HUNK: variants seen among roughly 807,000 people sequenced by gnomAD.
HUNK encodes hormonally up-regulated Neu-associated kinase, also known as hormonally up-regulated neu tumor-associated kinase.
HUNK carries 21 observed loss-of-function variants against 61.0 expected under a neutral mutation model. That is an observed-to-expected ratio of 0.34 (90% CI 0.24 to 0.50). The LOEUF (loss-of-function observed/expected upper bound fraction) is 0.50, where lower values mean the gene tolerates loss of function less well. HUNK is among the 20% of genes least tolerant of loss of function. The probability of loss-of-function intolerance (pLI) is 0.98; values close to 1 mark genes in which losing one functional copy is unlikely to be tolerated. For synonymous variants in HUNK, 371 were observed against 386.1 expected (o/e 0.96, Z 0.46); for missense variants, 772 against 945.7 (o/e 0.82, Z 2.41).
intron 1 of HUNK, among the ~76,000 whole-genome samples, chr21:31,918,972 G>A (rs1157377194): frequency 2.0e-5 from 3 of 149,828 alleles, no homozygotes; most frequent in Non-Finnish European, 3.0e-5. Flanking sequence ...GCTGGACTGA[G>A]CGGTATGAGG....
intron 4 of HUNK, among the ~76,000 whole-genome samples, chr21:31,958,363 A>G (rs1166613828): frequency 1.3e-5 from 2 of 151,360 alleles, no homozygotes; most frequent in Non-Finnish European, 2.9e-5. Context: ...CAATGGCGTG[A>G]TCTTGGCTCA....
rs1455747715 is a variant in HUNK at position 31,936,007 on chromosome 21, G to A, written c.555-4158G>A. Among the ~76,000 whole-genome samples the A allele has an allele frequency of 4.6e-5, 7 of 152,130 alleles. No individual in the cohort carries two copies. In the East Asian group the frequency reaches 1.4e-3, roughly 29 times the overall value. Reference sequence around the variant, plus strand: ...AGACGGGGTTTCACCATTTTGGCCTGGCTGGTCTTGAACTCCTGACTTCAG... The same window carrying A: ...AGACGGGGTTTCACCATTTTGGCCTAGCTGGTCTTGAACTCCTGACTTCAG... On this transcript the variant is annotated intron_variant, in intron 2 of 10. Coordinates refer to ENST00000270112, the MANE Select transcript of HUNK (RefSeq NM_014586.2).
chr21:31,938,960 T>C (rs1333304503), intron 2 of HUNK, among the ~76,000 whole-genome samples: 2 of 152,202 alleles, frequency 1.3e-5, no homozygotes, highest in African/African-American at 4.8e-5. Flanking sequence ...TCTGGATTCA[T>C]TGGTATTTAC....
chr21:31,916,341 C>T (rs1037222700), intron 1 of HUNK, among the ~76,000 whole-genome samples: 3 of 151,954 alleles, frequency 2.0e-5, no homozygotes, highest in Non-Finnish European at 2.9e-5. Context: ...TGAGCCATTG[C>T]GCCCGGCCCT....
intron 3 of HUNK, among the ~76,000 whole-genome samples, chr21:31,941,285 G>C (rs1291692129): frequency 6.6e-6 from 1 of 151,610 alleles, no homozygotes; most frequent in African/African-American, 2.4e-5. Context: ...TAATTCAAAG[G>C]ATTTTCTTTT....
chr21:31,976,535 C>T (rs1423953155), intron 7 of HUNK, among the ~76,000 whole-genome samples: 1 of 135,174 alleles, frequency 7.4e-6, no homozygotes, highest in African/African-American at 2.8e-5. Context: ...GGGACGATCT[C>T]GGCTCACTGC....
chr21:31,890,497 T>G (rs1265895604), intron 1 of HUNK, among the ~76,000 whole-genome samples: 1 of 152,250 alleles, frequency 6.6e-6, no homozygotes, highest in African/African-American at 2.4e-5. Flanking sequence ...CCCAAAGTGC[T>G]GGGATTACAG....
At chr21:31,925,406 G>A (rs983528412) in intron 2 of HUNK, among the ~76,000 whole-genome samples, 5 of 152,230 alleles carry the variant, frequency 3.3e-5, no homozygotes, top group African/African-American at 7.2e-5. Context: ...TATCAGGTAA[G>A]TGTTAGCTGC....
intron 1 of HUNK, among the ~76,000 whole-genome samples, chr21:31,910,260 C>T (rs1195469588): frequency 6.6e-6 from 1 of 152,030 alleles, no homozygotes; most frequent in Admixed American, 6.6e-5. Flanking sequence ...TTTGGTTTCT[C>T]CTGAGGCCTC....
At chr21:31,892,000 G>A (rs939617527) in intron 1 of HUNK, among the ~76,000 whole-genome samples, 6 of 151,966 alleles carry the variant, frequency 3.9e-5, no homozygotes, top group African/African-American at 1.5e-4. Context: ...CACAGGCTGT[G>A]GGGGCTGACA....
chr21:31,921,768 GTTTAA>G (rs1249530398), intron 1 of HUNK, among the ~76,000 whole-genome samples: 2 of 152,156 alleles, frequency 1.3e-5, no homozygotes, highest in Non-Finnish European at 2.9e-5. Flanking sequence ...TCACTATTTT[GTTTAA>G]TTTAAAGTTT....
At chr21:31,971,645 G>A (rs922697557) in intron 6 of HUNK, among the ~76,000 whole-genome samples, 8 of 152,022 alleles carry the variant, frequency 5.3e-5, no homozygotes, top group Non-Finnish European at 8.8e-5. Flanking sequence ...GAAAATAAAG[G>A]TCTCGTATTT....
At chr21:31,928,183 A>G (rs1347309126) in intron 2 of HUNK, among the ~76,000 whole-genome samples, 1 of 152,172 alleles carries the variant, frequency 6.6e-6, no homozygotes, top group Non-Finnish European at 1.5e-5. Flanking sequence ...ACAGTGGAAA[A>G]TAGAACCAGG....
chr21:31,975,048 A>T (rs2053039017), intron 7 of HUNK, among the ~76,000 whole-genome samples: 2 of 148,750 alleles, frequency 1.3e-5, no homozygotes, highest in Non-Finnish European at 3.0e-5. Flanking sequence ...CCCATGTTGG[A>T]GGCATTGGAG....
chr21:31,983,489 A>C (rs1475630010), intron 7 of HUNK, 37 bp from the exon 8 acceptor site: 32 of 1,491,416 alleles, frequency 2.1e-5, no homozygotes, highest in Non-Finnish European at 2.7e-5. Context: ...TCTATTTCTG[A>C]GAGTTGAGCT....
At chr21:31,991,712 G>A (rs1568943384) in intron 9 of HUNK, among the ~76,000 whole-genome samples, 1 of 152,166 alleles carries the variant, frequency 6.6e-6, no homozygotes, top group Non-Finnish European at 1.5e-5. Flanking sequence ...ATCATCAGAG[G>A]GAAGGAAAGC....
Position 31,940,184 on chromosome 21 carries a change from T to A in HUNK, c.574T>A (p.Leu192Met). 1 of 1,598,052 alleles carries A rather than the reference T, an allele frequency of 6.3e-7. No individual in the cohort carries two copies. The change falls in exon 3 of 11, where the codon TTG becomes ATG. Residue 192 changes from leucine to methionine, a missense_variant. Leu to Met is a conservative substitution (Grantham distance 15, BLOSUM62 2). Coordinates refer to ENST00000270112, the MANE Select transcript of HUNK (RefSeq NM_014586.2). ...TTTCAGAGACTTGAAGATAGAGAAT[T>A]TGCTACTAGATGAAGACAATAATAT... ...VVHRDLKIEN[L>M]LLDEDNNIKL...
At chr21:31,958,677 A>G (rs567342618) in intron 4 of HUNK, among the ~76,000 whole-genome samples, 166 bp from the exon 5 acceptor site, 1 of 151,934 alleles carries the variant, frequency 6.6e-6, no homozygotes, top group Non-Finnish European at 1.5e-5. Flanking sequence ...ACCTCACCCA[A>G]CTCTTTCAAC....
chr21:31,885,444 C>A (rs2052339570), intron 1 of HUNK, among the ~76,000 whole-genome samples: 1 of 152,186 alleles, frequency 6.6e-6, no homozygotes. Context: ...TCACTCTCTG[C>A]CCCTTCACTC....
Sources: gnomAD v4.1 joint callset for allele counts (sites outside exome capture counted in the v4.1 genomes callset) on GRCh38, gnomAD v4.1.1 for gene constraint, MANE v1.5 for transcripts, NCBI Gene and HGNC (gene_info 2026-07-23, HGNC 2026-07-21) for gene names.